Variants in STK17B observed in about 807,000 individuals in gnomAD.
STK17B encodes serine/threonine-protein kinase 17B.
In STK17B, 21 loss-of-function variants were observed where a neutral mutation model predicts 42.0. The observed-to-expected ratio is 0.50, with a 90% CI of 0.35 to 0.72. The LOEUF (loss-of-function observed/expected upper bound fraction) is 0.72. STK17B is among the 30% of genes least tolerant of loss of function. The pLI, the probability that STK17B is intolerant of heterozygous loss-of-function variation, is 0.00. For synonymous variants in STK17B, 143 were observed against 148.4 expected (o/e 0.96, Z 0.26); for missense variants, 349 against 446.0 (o/e 0.78, Z 1.96).
intron 3 of STK17B, among the ~76,000 whole-genome samples, chr2:196,155,481 A>C (rs1486102242): frequency 6.6e-6 from 1 of 152,210 alleles, no homozygotes; most frequent in Non-Finnish European, 1.5e-5. Context: ...ACTAAATACA[A>C]AAATAAGGTT....
At chr2:196,176,483 G>T (rs1196290026), upstream of STK17B, 1 of 152,244 alleles carries the variant, frequency 6.6e-6, no homozygotes, top group Non-Finnish European at 1.5e-5. Flanking sequence ...TACCTCGTGA[G>T]AAGCTGTGAG....
chr2:196,171,382 C>A lies in STK17B; in HGVS notation c.-94G>T, dbSNP rs1056638484. ...CGGGACTGCCCCCTCCAGGGGGCCGCTGTCCCGCCCCACGCCGGGGGCCGC... is the reference window on the plus strand; with the variant it reads ...CGGGACTGCCCCCTCCAGGGGGCCGATGTCCCGCCCCACGCCGGGGGCCGC... On this transcript the variant is annotated 5_prime_UTR_variant, in exon 1 of 8. Transcript: ENST00000263955. 6 of 152,308 alleles carry A rather than the reference C, an allele frequency of 3.9e-5. No homozygotes were observed. The highest frequency in any genetic ancestry group is 7.3e-5 in the Non-Finnish European group (5 of 68,136). The allele number at this position is 152,308 out of a possible 1,614,324, so 9.4% of individuals were successfully genotyped here.
At chr2:196,154,133 C>A (rs1249163025) in intron 3 of STK17B, 1 of 152,208 alleles carries the variant, frequency 6.6e-6, no homozygotes, top group Non-Finnish European at 1.5e-5. Context: ...ACTCAGGAGG[C>A]TGAGGCAGGG....
At chr2:196,144,048 C>T (rs551013692) in intron 4 of STK17B, among the ~76,000 whole-genome samples, 1 of 152,014 alleles carries the variant, frequency 6.6e-6, no homozygotes, top group South Asian at 2.1e-4. Context: ...TAGAAAGGTG[C>T]TCTGGGTAGC....
In STK17B at chr2:196,143,663, G is replaced by A. The variant is rs1013048275; in HGVS notation, c.504C>T (p.Ser168=). Residue 168 remains serine (S), a synonymous_variant, in exon 5 of 8, where the codon AGC becomes AGT. Transcript: ENST00000263955. ...DLKPQNILLS[S]IYPLGDIKIV... is the part of the protein sequence containing the mutation. ...TTTTAATGTCCCCGAGAGGGTATAT[G>A]CTGCTCAGTAATATATTCTGTGGCT... 6.3e-7 allele frequency: 1 copy of A among 1,581,196 alleles called. No individual in the cohort carries two copies. Among genetic ancestry groups the A allele is most frequent in the Non-Finnish European group, 8.6e-7 (1 of 1,166,458 alleles).
At chr2:196,145,586 T>C (rs967901348) in intron 4 of STK17B, among the ~76,000 whole-genome samples, 1 of 152,190 alleles carries the variant, frequency 6.6e-6, no homozygotes, top group Admixed American at 6.5e-5. Flanking sequence ...ATTTCAGAGA[T>C]AGACAGCATT....
At chr2:196,164,205 A>C (rs542940211) in intron 1 of STK17B, among the ~76,000 whole-genome samples, 15 of 152,302 alleles carry the variant, frequency 9.8e-5, no homozygotes, top group Non-Finnish European at 2.1e-4. Context: ...ACTGACGTGA[A>C]GGACTACAAG....
chr2:196,149,061 A>G (rs1699623845), intron 3 of STK17B, among the ~76,000 whole-genome samples: 1 of 152,232 alleles, frequency 6.6e-6, no homozygotes, highest in Non-Finnish European at 1.5e-5. Context: ...TAATCCACAT[A>G]AAGTATTGAG....
chr2:196,138,944 T>C (rs1030819434), intron 7 of STK17B, among the ~76,000 whole-genome samples: 14 of 151,936 alleles, frequency 9.2e-5, no homozygotes, highest in Non-Finnish European at 2.1e-4. Context: ...TAAATGATAC[T>C]TGTTATGTAT....
At chr2:196,168,538 T>C (rs889165942) in intron 1 of STK17B, among the ~76,000 whole-genome samples, 2 of 152,300 alleles carry the variant, frequency 1.3e-5, no homozygotes, top group African/African-American at 2.4e-5. Flanking sequence ...GAAATTACCA[T>C]CTCACTGTTA....
chr2:196,145,439 T>C (rs1699558963), intron 4 of STK17B, among the ~76,000 whole-genome samples: 1 of 152,060 alleles, frequency 6.6e-6, no homozygotes, highest in Admixed American at 6.6e-5. Flanking sequence ...GGTTCGGGGC[T>C]TGGGTAAAGA....
chr2:196,151,530 C>G (rs1699666258), intron 3 of STK17B: 2 of 152,174 alleles, frequency 1.3e-5, no homozygotes, highest in African/African-American at 4.8e-5. Context: ...CGTGTCCAGC[C>G]AAAGGTAAGT....
intron 3 of STK17B, among the ~76,000 whole-genome samples, chr2:196,152,107 C>CTTTTTT (rs56369141): frequency 1.5e-5 from 2 of 130,788 alleles, no homozygotes; most frequent in Non-Finnish European, 3.3e-5. Flanking sequence ...AAAAAAGTGC[C>CTTTTTT]TTTTTTTTTT....
intron 2 of STK17B, 74 bp from the exon 3 acceptor site, chr2:196,156,725 T>C (rs1699744824): frequency 9.1e-7 from 1 of 1,101,094 alleles, no homozygotes; most frequent in Non-Finnish European, 1.3e-6. Context: ...GATTCTGTTA[T>C]ACCTCCAACT....
At chr2:196,138,127 T>C (rs2105671926) in intron 7 of STK17B, among the ~76,000 whole-genome samples, 1 of 152,356 alleles carries the variant, frequency 6.6e-6, no homozygotes, top group South Asian at 2.1e-4. Context: ...TACACCATAT[T>C]ATCTCTCATG....
rs1367933636 is a variant in STK17B, at chr2:196,137,397, A to G, written c.*50T>C. 3 of 1,558,040 alleles carry G rather than the reference A, an allele frequency of 1.9e-6. No homozygotes were observed. The South Asian group carries it at 3.6e-5, about 18-fold the overall frequency. On this transcript the variant is annotated 3_prime_UTR_variant, in exon 8 of 8. Transcript: ENST00000263955. ...AAGCTACAAATCATAATCTCACTGG[A>G]GTGGATATAAAATTTCAAATTCAGT... is the stretch of plus-strand genomic sequence containing the variant.
At chr2:196,159,397 AC>A (rs1408792787) in intron 2 of STK17B, among the ~76,000 whole-genome samples, 1 of 150,986 alleles carries the variant, frequency 6.6e-6, no homozygotes, top group Non-Finnish European at 1.5e-5. Context: ...CGCAGCCTCA[AC>A]CTCCCAGGCT....
intron 7 of STK17B, 133 bp from the exon 8 acceptor site, chr2:196,137,862 G>A (rs748423680): frequency 4.2e-5 from 40 of 960,006 alleles, no homozygotes; most frequent in East Asian, 2.4e-4. Context: ...AATCCAAACA[G>A]TACAGAAGAG....
chr2:196,139,569 G>C (rs1699462708), intron 7 of STK17B, 51 bp downstream of exon 7: 2 of 1,139,852 alleles, frequency 1.8e-6, no homozygotes, highest in Admixed American at 3.0e-5. Context: ...TTCTGTAATA[G>C]TATTTAAACA....
Sources: gnomAD v4.1 joint callset for allele counts (sites outside exome capture counted in the v4.1 genomes callset) on GRCh38, gnomAD v4.1.1 for gene constraint, MANE v1.5 for transcripts, NCBI Gene and HGNC (gene_info 2026-07-23, HGNC 2026-07-21) for gene names.